LRIG1: variants seen among roughly 807,000 people sequenced by gnomAD.
LRIG1 encodes the protein leucine rich repeats and immunoglobulin like domains 1, also known as leucine-rich repeats and immunoglobulin-like domains protein 1.
LRIG1 carries 48 observed loss-of-function variants against 99.2 expected under a neutral mutation model. That is an observed-to-expected ratio of 0.48 (90% confidence interval 0.38 to 0.62). The LOEUF is 0.62. Ranked by LOEUF, LRIG1 falls within the 20% of genes least tolerant of loss-of-function variation. The pLI is 0.00. For missense variants in LRIG1, 1,646 were observed against 1,434.4 expected (o/e 1.15, Z -2.38); for synonymous variants, 772 against 596.1 (o/e 1.29, Z -4.30).
chr3:66,422,943 A>C (rs535205067), intron 3 of LRIG1, among the ~76,000 whole-genome samples: 3 of 152,274 alleles, frequency 2.0e-5, no homozygotes, highest in Non-Finnish European at 4.4e-5. Context: ...TGTGCAGGGA[A>C]ACTCCAGTTT....
intron 14 of LRIG1, among the ~76,000 whole-genome samples, chr3:66,383,653 G>T (rs1701219500): frequency 6.6e-6 from 1 of 151,944 alleles, no homozygotes; most frequent in Admixed American, 6.6e-5. Context: ...CCTGTGTCAG[G>T]CCTGTGTCCT....
In LRIG1 at chr3:66,398,993, C is replaced by T. The variant is rs1385907098; in HGVS notation, c.1209G>A (p.Ser403=). Residue 403 remains serine (S), a synonymous_variant, in exon 10 of 19, where the codon TCG becomes TCA. Coordinates refer to ENST00000273261, the MANE Select transcript of LRIG1 (RefSeq NM_015541.3). ...ACAGGTGCTCCAGGCCTTCCAGCCC[C>T]GAGAATGCTCTCTTAGCCACAGACT... The part of the protein sequence containing the change: ...KIKSVAKRAF[S]GLEGLEHLNL... The T allele has an allele frequency of 3.1e-6, 5 of 1,614,078 alleles. No homozygotes were observed. In the African/African-American group the frequency reaches 4.0e-5, roughly 13 times the overall value.
At chr3:66,456,087 A>G (rs576219108) in intron 2 of LRIG1, among the ~76,000 whole-genome samples, 1 of 152,328 alleles carries the variant, frequency 6.6e-6, no homozygotes, top group East Asian at 1.9e-4. Context: ...TAAATCAGAC[A>G]TATCTTGGTT....
At chr3:66,490,658 T>G (rs1256354646) in intron 1 of LRIG1, among the ~76,000 whole-genome samples, 2 of 147,330 alleles carry the variant, frequency 1.4e-5, no homozygotes, top group Admixed American at 6.8e-5. Context: ...AAAAAAAAAA[T>G]GCATTGGAGC....
At chr3:66,404,797 A>T (rs1702200610) in intron 9 of LRIG1, among the ~76,000 whole-genome samples, 1 of 152,180 alleles carries the variant, frequency 6.6e-6, no homozygotes. Context: ...TTAATGACGA[A>T]AGTACTGACA....
intron 12 of LRIG1, among the ~76,000 whole-genome samples, chr3:66,393,797 G>T (rs1354183516): frequency 6.6e-6 from 1 of 152,182 alleles, no homozygotes; most frequent in Non-Finnish European, 1.5e-5. Context: ...ATTCTGATTT[G>T]TAACTGAACC....
At chr3:66,441,262 T>G (rs1178180926) in intron 3 of LRIG1, among the ~76,000 whole-genome samples, 1 of 152,048 alleles carries the variant, frequency 6.6e-6, no homozygotes, top group African/African-American at 2.4e-5. Flanking sequence ...TTTCAGCTGT[T>G]TGGGTTTGAA....
chr3:66,408,417 G>C (rs1702351944), intron 7 of LRIG1, among the ~76,000 whole-genome samples: 3 of 152,160 alleles, frequency 2.0e-5, no homozygotes, highest in Admixed American at 1.3e-4. Context: ...TCCCAAATCT[G>C]CCTCTGAGGT....
chr3:66,423,498 G>A (rs986708431), intron 3 of LRIG1, among the ~76,000 whole-genome samples: 3 of 152,196 alleles, frequency 2.0e-5, no homozygotes, highest in Non-Finnish European at 4.4e-5. Flanking sequence ...TTGAACCTGG[G>A]AGGCAGAGGT....
At chr3:66,489,521 GTGTA>G (rs1393042445) in intron 1 of LRIG1, among the ~76,000 whole-genome samples, 1 of 24,364 alleles carries the variant, frequency 4.1e-5, no homozygotes, top group Non-Finnish European at 2.5e-4. Flanking sequence ...GACCCTTTGT[GTGTA>G]TGTGTGTGTG....
At chr3:66,463,220 C>CA (rs1439447081) in intron 1 of LRIG1, among the ~76,000 whole-genome samples, 2 of 152,174 alleles carry the variant, frequency 1.3e-5, no homozygotes, top group African/African-American at 4.8e-5. Context: ...CACAAATAGT[C>CA]AAAGTTCAAG....
At chr3:66,391,334 C>T (rs141728075) in intron 12 of LRIG1, among the ~76,000 whole-genome samples, 1 of 152,282 alleles carries the variant, frequency 6.6e-6, no homozygotes, top group African/African-American at 2.4e-5. Context: ...GAGAATCACA[C>T]AAAACCCTGT....
intron 1 of LRIG1, chr3:66,469,093 T>C (rs543073843): frequency 1.3e-5 from 2 of 152,362 alleles, no homozygotes; most frequent in Admixed American, 1.3e-4. Flanking sequence ...TATCTTGAAC[T>C]GGAATCATTC....
chr3:66,487,961 C>T (rs934051216), intron 1 of LRIG1, among the ~76,000 whole-genome samples: 4 of 151,956 alleles, frequency 2.6e-5, no homozygotes, highest in African/African-American at 9.7e-5. Flanking sequence ...TAGTTGTATC[C>T]CCAAACAAAA....
At chr3:66,382,908 G>A (rs1346264215) in intron 15 of LRIG1, 74 bp downstream of exon 15, 1 of 1,405,628 alleles carries the variant, frequency 7.1e-7, no homozygotes, top group Admixed American at 2.1e-5. Context: ...AAAGCCACTG[G>A]AACCCGGCCC....
intron 3 of LRIG1, among the ~76,000 whole-genome samples, chr3:66,431,490 G>A (rs1055829830): frequency 2.0e-5 from 3 of 152,150 alleles, no homozygotes; most frequent in Non-Finnish European, 4.4e-5. Flanking sequence ...AGAAGGCTCC[G>A]CCAACTAGGG....
chr3:66,463,850 CAG>C (rs1302261248), intron 1 of LRIG1, among the ~76,000 whole-genome samples: 2 of 152,204 alleles, frequency 1.3e-5, no homozygotes, highest in Non-Finnish European at 2.9e-5. Context: ...ACTGTGAGCT[CAG>C]AGACGTTCAT....
chr3:66,490,289 A>G (rs1333321729), intron 1 of LRIG1, among the ~76,000 whole-genome samples: 1 of 152,226 alleles, frequency 6.6e-6, no homozygotes, highest in Admixed American at 6.5e-5. Context: ...CCCTCCTCCA[A>G]GATGGAAGGA....
intron 3 of LRIG1, among the ~76,000 whole-genome samples, chr3:66,424,914 C>T (rs2106722996): frequency 1.3e-5 from 2 of 152,306 alleles, no homozygotes; most frequent in Non-Finnish European, 2.9e-5. Flanking sequence ...CAACTGTGGA[C>T]TAATATGAGT....
Sources: allele counts gnomAD v4.1 joint callset (sites outside exome capture counted in the v4.1 genomes callset), GRCh38; gene constraint gnomAD v4.1.1; transcripts MANE v1.5; gene names NCBI Gene and HGNC (gene_info 2026-07-23, HGNC 2026-07-21).